Variants in CASP5 observed in about 807,000 individuals in gnomAD.
The protein encoded by CASP5 is caspase 5, also known as caspase-5.
Under a neutral mutation model 45.2 loss-of-function variants are expected in CASP5, and 42 were observed. That is an observed-to-expected ratio of 0.93 (90% CI 0.73 to 1.20). The LOEUF (loss-of-function observed/expected upper bound fraction) is 1.20, where lower values mean the gene tolerates loss of function less well. Ranked by LOEUF, CASP5 falls within the 50% of genes most tolerant of loss-of-function variation. CASP5 has a pLI of 0.00. For synonymous variants in CASP5, 209 were observed against 186.2 expected (o/e 1.12, Z -1.00); for missense variants, 512 against 532.2 (o/e 0.96, Z 0.37).
At chr11:105,015,051 G>T (rs536465460) in intron 1 of CASP5, among the ~76,000 whole-genome samples, 15 of 152,280 alleles carry the variant, frequency 9.9e-5, no homozygotes, top group African/African-American at 3.4e-4. Flanking sequence ...GGGCTAGCTG[G>T]GCTTTAGAAA....
At chr11:105,017,802 A>C (rs1277897759) in intron 1 of CASP5, among the ~76,000 whole-genome samples, 1 of 152,100 alleles carries the variant, frequency 6.6e-6, no homozygotes, top group African/African-American at 2.4e-5. Context: ...GGAAATACAG[A>C]GAATGCCACA....
At position 105,003,150 on chromosome 11, in the gene CASP5, T is replaced by A. The variant is rs530182782; in HGVS notation, c.543+124A>T. ...ATGTGTTCAAGATAGCAGTCAGCTA[T>A]GATCACACCACAGCACTCCAGGCTG... On this transcript the variant is annotated intron_variant, in intron 4 of 9. Transcript: ENST00000260315. The A allele has an allele frequency of 4.4e-6, 3 of 677,260 alleles. No individual in the cohort carries two copies. The South Asian group carries it at 5.1e-5, about 12-fold the overall frequency. 42.0% of individuals were successfully genotyped at this position (677,260 alleles called of 1,614,324 possible). A position where few individuals can be genotyped will look rare whatever the true frequency, so the allele number is the denominator to read the frequency against.
intron 3 of CASP5, 112 bp from the exon 4 acceptor site, chr11:105,003,495 A>G: frequency 1.6e-6 from 1 of 628,312 alleles, no homozygotes; most frequent in Non-Finnish European, 2.8e-6. Context: ...GACTCTTTAT[A>G]TTTAGGGGTT....
intron 5 of CASP5, 87 bp from the exon 6 acceptor site, chr11:105,000,582 A>T (rs537656680): frequency 1.7e-6 from 2 of 1,198,662 alleles, no homozygotes; most frequent in Non-Finnish European, 2.4e-6. Flanking sequence ...AACAAGAAAC[A>T]TATGTAACAT....
At chr11:105,021,018 A>G (rs559813238) in intron 1 of CASP5, among the ~76,000 whole-genome samples, 3 of 152,170 alleles carry the variant, frequency 2.0e-5, no homozygotes, top group Admixed American at 6.5e-5. Context: ...ATCTACAACT[A>G]TCTGATCTTT....
intron 3 of CASP5, among the ~76,000 whole-genome samples, chr11:105,006,498 C>G (rs1433650697): frequency 1.3e-5 from 2 of 152,160 alleles, no homozygotes; most frequent in East Asian, 3.9e-4. Context: ...CACGTTTATT[C>G]TGGAAAACAA....
intron 1 of CASP5, among the ~76,000 whole-genome samples, chr11:105,017,265 G>T (rs1449916062): frequency 6.6e-6 from 1 of 152,214 alleles, no homozygotes; most frequent in African/African-American, 2.4e-5. Flanking sequence ...CTCCTCCAAA[G>T]GAACGCAGTT....
rs201179331 is a variant in CASP5, at chr11:105,008,833, G to A, written c.155C>T (p.Thr52Met). 149 of 1,612,216 alleles carry A rather than the reference G, an allele frequency of 9.2e-5. No individual in the cohort carries two copies. Among genetic ancestry groups the A allele is most frequent in the Non-Finnish European group, 1.1e-4 (134 of 1,178,890 alleles). Residue 52 changes from threonine (T) to methionine (M), a missense_variant, in exon 2 of 10, where the codon ACG (threonine) becomes ATG (methionine). Physicochemically the swap from Thr to Met is moderately conservative, Grantham distance 81 (BLOSUM62 -1). Transcript: ENST00000260315. ...TTTTACACTGGTCGACTTTTGATCC[G>A]TATTAGGTACTAGGGTCTGGATAGA... ...QTSIQTLVPN[T>M]DQKSTSVKKD... is the part of the protein sequence containing the mutation.
At chr11:105,022,627 A>G (rs1001277517) in intron 1 of CASP5, among the ~76,000 whole-genome samples, 2 of 152,168 alleles carry the variant, frequency 1.3e-5, no homozygotes, top group African/African-American at 2.4e-5. Flanking sequence ...ACATTATAAG[A>G]GTTAGTACCA....
At chr11:105,009,130 T>A in intron 1 of CASP5, 150 bp from the exon 2 acceptor site, 2 of 677,334 alleles carry the variant, frequency 3.0e-6, no homozygotes, top group South Asian at 3.9e-5. Context: ...TCTTTGTACC[T>A]GTAGCATTCT....
At chr11:104,999,977 T>C (rs1236055825) in intron 6 of CASP5, among the ~76,000 whole-genome samples, 2 of 152,244 alleles carry the variant, frequency 1.3e-5, no homozygotes, top group Non-Finnish European at 2.9e-5. Context: ...AATGATTCCA[T>C]TTCAAAGTTT....
rs1327419640 is a variant in CASP5 at position 105,008,790 on chromosome 11, A to G, written c.181+17T>C. 1.3e-6 allele frequency: 2 copies of G among 1,570,572 alleles called. No individual in the cohort carries two copies. Among genetic ancestry groups the G allele is most frequent in the South Asian group, 1.1e-5 (1 of 88,872 alleles). On this transcript the variant is annotated intron_variant, in intron 2 of 9. Transcript: ENST00000260315. Reference sequence around the variant, plus strand: ...CTAAAAAATTGGAAATATCCATTGTAAAATATCCAGTCTTACTTTTTACAC... The same window carrying G: ...CTAAAAAATTGGAAATATCCATTGTGAAATATCCAGTCTTACTTTTTACAC...
chr11:104,994,872 A>G (rs1170861522), intron 9 of CASP5, among the ~76,000 whole-genome samples: 1 of 152,226 alleles, frequency 6.6e-6, no homozygotes, highest in Non-Finnish European at 1.5e-5. Flanking sequence ...GTTTTCCTGA[A>G]TAAAGTACCT....
At chr11:105,020,244 C>T (rs1862875522) in intron 1 of CASP5, among the ~76,000 whole-genome samples, 2 of 149,990 alleles carry the variant, frequency 1.3e-5, no homozygotes, top group Non-Finnish European at 3.0e-5. Flanking sequence ...TGAAAACTGG[C>T]ACAAGACAGG....
chr11:105,002,029 C>G lies in CASP5; in HGVS notation c.716G>C (p.Arg239Thr), dbSNP rs755393494. 2 of 1,613,782 alleles carry G rather than the reference C, an allele frequency of 1.2e-6. No homozygotes were observed. The highest frequency in any genetic ancestry group is 2.2e-5 in the East Asian group (1 of 44,888). The change falls in exon 5 of 10, where the codon AGG (arginine) becomes ACG (threonine). Residue 239 changes from arginine (R) to threonine (T), a missense_variant and splice_region_variant. By Grantham distance (71) the Arg-to-Thr change is moderately conservative (BLOSUM62 -1). Transcript: ENST00000260315. ...TVVDEKNLTA[R>T]DMESVLRAFA... ...GTGAGATGGCTTAGGGGTTCTTACC[C>G]TGGCTGTGAGATTCTTTTCGTCAAC... is the stretch of plus-strand genomic sequence containing the variant.
At chr11:105,005,798 C>T (rs1861973720) in intron 3 of CASP5, among the ~76,000 whole-genome samples, 1 of 151,846 alleles carries the variant, frequency 6.6e-6, no homozygotes, top group African/African-American at 2.4e-5. Context: ...CTATTTGTTG[C>T]ATTATCTCTG....
chr11:105,017,245 A>C (rs1362291279), intron 1 of CASP5, among the ~76,000 whole-genome samples: 2 of 152,232 alleles, frequency 1.3e-5, no homozygotes, highest in Non-Finnish European at 2.9e-5. Flanking sequence ...TAAAAAGCAG[A>C]GCGACTCTCC....
intron 3 of CASP5, among the ~76,000 whole-genome samples, chr11:105,006,732 G>GGTAA (rs1309962770): frequency 6.6e-6 from 1 of 152,132 alleles, no homozygotes; most frequent in Admixed American, 6.6e-5. Context: ...TTTCACAGGT[G>GGTAA]GTAAGACTGA....
At chr11:105,015,193 C>T (rs1862528063) in intron 1 of CASP5, among the ~76,000 whole-genome samples, 1 of 152,166 alleles carries the variant, frequency 6.6e-6, no homozygotes, top group Admixed American at 6.5e-5. Context: ...TAGATTCACT[C>T]TTCTCAACAG....
Sources: gnomAD v4.1 joint callset for allele counts (sites outside exome capture counted in the v4.1 genomes callset) on GRCh38, gnomAD v4.1.1 for gene constraint, MANE v1.5 for transcripts, NCBI Gene and HGNC (gene_info 2026-07-23, HGNC 2026-07-21) for gene names.